Variants in USH2A observed in about 807,000 individuals in gnomAD.
The protein encoded by USH2A is Usher syndrome 2A (autosomal recessive, mild).
Under a neutral mutation model 538.9 loss-of-function variants are expected in USH2A, and 443 were observed. That is an observed-to-expected ratio of 0.82 (90% CI 0.76 to 0.89). USH2A has a LOEUF of 0.89. Among genes scored for constraint, USH2A ranks in the 40% least tolerant of loss-of-function variants. USH2A has a pLI of 0.00. For missense variants in USH2A, 6,633 were observed against 6,324.8 expected (o/e 1.05, Z -1.65); for synonymous variants, 2,413 against 2,273.5 (o/e 1.06, Z -1.75).
intron 64 of USH2A, among the ~76,000 whole-genome samples, chr1:215,660,725 A>T (rs1311668342): frequency 1.3e-5 from 2 of 152,256 alleles, no homozygotes; most frequent in Non-Finnish European, 2.9e-5. Flanking sequence ...TGGATTCTTT[A>T]GAGAAAAGAA....
At chr1:215,632,182 C>A (rs1285142632) in intron 70 of USH2A, among the ~76,000 whole-genome samples, 1 of 152,072 alleles carries the variant, frequency 6.6e-6, no homozygotes, top group African/African-American at 2.4e-5. Context: ...CCTGCCTCAA[C>A]CTCCCAAAGT....
At chr1:216,049,182 T>C (rs892435347) in intron 30 of USH2A, among the ~76,000 whole-genome samples, 2 of 152,236 alleles carry the variant, frequency 1.3e-5, no homozygotes, top group Non-Finnish European at 2.9e-5. Flanking sequence ...ATGTTGTAGC[T>C]AACAAGTATG....
At position 215,760,865 on chromosome 1, in the gene USH2A, G is replaced by A. The variant is rs186221774; in HGVS notation, c.11048-1022C>T. ...TAGCTTCTAAACTTGCCTCCATGTC[G>A]AAATCTTGGCCTTCCATATTCCATT... On this transcript the variant is annotated intron_variant, in intron 56 of 71. Transcript: ENST00000307340. Among the ~76,000 whole-genome samples, 61 of 152,190 alleles carry A rather than the reference G, an allele frequency of 4.0e-4. 1 individual carries two copies. Among genetic ancestry groups the A allele is most frequent in the Admixed American group, 9.2e-4 (14 of 15,276 alleles).
In USH2A at chr1:215,675,373, T is replaced by C; in HGVS notation, c.12538A>G (p.Asn4180Asp). The C allele has an allele frequency of 6.2e-7, 1 of 1,614,164 alleles. No homozygotes were observed. Among genetic ancestry groups the C allele is most frequent in the South Asian group, 1.1e-5 (1 of 91,090 alleles). ...SVELSWSEPVNPNGKIIRYEV... is the reference protein window; with the variant it reads ...SVELSWSEPVDPNGKIIRYEV... Reference sequence around the variant, plus strand: ...TAGCGAATTATTTTTCCATTTGGGTTAACAGGCTCAGACCAGCTCAGCTCA... The same window carrying C: ...TAGCGAATTATTTTTCCATTTGGGTCAACAGGCTCAGACCAGCTCAGCTCA... Residue 4180 changes from asparagine (N) to aspartate (D), a missense_variant, in exon 63 of 72, where the codon AAC becomes GAC. Asn to Asp is a conservative substitution (Grantham distance 23, BLOSUM62 1). Transcript: ENST00000307340.
intron 58 of USH2A, among the ~76,000 whole-genome samples, chr1:215,747,891 GT>G (rs971161483): frequency 7.5e-5 from 7 of 93,384 alleles, no homozygotes; most frequent in African/African-American, 1.1e-4. Flanking sequence ...TGTTTGTTTG[GT>G]TTTTTTTTTT....
chr1:216,196,428 A>C, intron 19 of USH2A, 125 bp downstream of exon 19: 1 of 1,017,146 alleles, frequency 9.8e-7, no homozygotes, highest in Non-Finnish European at 1.5e-6. Context: ...TATTATATTA[A>C]GAAAAAATGC....
intron 11 of USH2A, among the ~76,000 whole-genome samples, chr1:216,280,745 T>C (rs1022689125): frequency 4.6e-5 from 7 of 152,138 alleles, no homozygotes; most frequent in Non-Finnish European, 8.8e-5. Context: ...ACATGCCATA[T>C]CTTATGAGAT....
intron 37 of USH2A, among the ~76,000 whole-genome samples, chr1:215,953,744 A>G (rs958235128): frequency 2.6e-5 from 4 of 152,030 alleles, no homozygotes; most frequent in African/African-American, 7.3e-5. Flanking sequence ...GCTTCTGCAC[A>G]GCAAAAGAAA....
intron 35 of USH2A, among the ~76,000 whole-genome samples, chr1:215,975,123 G>A (rs1667591105): frequency 6.6e-6 from 1 of 152,012 alleles, no homozygotes; most frequent in Admixed American, 6.6e-5. Flanking sequence ...CTGTTTGTCT[G>A]CCTTCTTTTG....
At chr1:216,090,399 T>C (rs2032268184) in intron 22 of USH2A, among the ~76,000 whole-genome samples, 1 of 147,926 alleles carries the variant, frequency 6.8e-6, no homozygotes, top group Non-Finnish European at 1.5e-5. Context: ...CTCGACAACA[T>C]GTATGACATA....
intron 19 of USH2A, 93 bp from the exon 20 acceptor site, chr1:216,190,460 G>A: frequency 2.6e-6 from 4 of 1,510,008 alleles, no homozygotes; most frequent in Non-Finnish European, 3.6e-6. Flanking sequence ...CATGAATTCA[G>A]ACAGAGGGAA....
intron 7 of USH2A, 92 bp from the exon 8 acceptor site, chr1:216,323,787 A>G (rs1477549420): frequency 8.6e-7 from 1 of 1,157,484 alleles, no homozygotes; most frequent in African/African-American, 1.5e-5. Flanking sequence ...ACACAGTATC[A>G]ATAAAAGCTT....
At position 215,895,885 on chromosome 1, in the gene USH2A, C is replaced by A. The variant is rs192277362; in HGVS notation, c.7594+4190G>T. Among the ~76,000 whole-genome samples, 5 of 152,234 alleles carry A rather than the reference C, an allele frequency of 3.3e-5. No individual in the cohort carries two copies. The East Asian group carries it at 9.7e-4, about 29-fold the overall frequency. On this transcript the variant is annotated intron_variant, in intron 40 of 71. Transcript: ENST00000307340. ...TACACAGCTAGTTTGTGTGGTATAG[C>A]CTGTTGCTCCTAGGCTACAAACCTG...
At chr1:216,174,186 C>A in intron 21 of USH2A, 1 of 984,970 alleles carries the variant, frequency 1.0e-6, no homozygotes, top group African/African-American at 1.7e-5. Flanking sequence ...ATTTTTATAG[C>A]TCGAATTCCA....
chr1:216,180,585 T>C (rs1322049220), intron 20 of USH2A, among the ~76,000 whole-genome samples: 3 of 152,136 alleles, frequency 2.0e-5, no homozygotes, highest in Non-Finnish European at 4.4e-5. Context: ...TCTGAGGTAC[T>C]GGTCTTTAAA....
intron 49 of USH2A, among the ~76,000 whole-genome samples, chr1:215,810,227 T>C (rs528064136): frequency 2.4e-4 from 36 of 152,312 alleles, no homozygotes; most frequent in Non-Finnish European, 4.4e-4. Context: ...AGACAATACA[T>C]ATTTTTTAAA....
Position 216,323,473 on chromosome 1 carries a change from C to A in USH2A, c.1550+1G>T. The A allele has an allele frequency of 1.2e-6, 2 of 1,613,048 alleles. No homozygotes were observed. Among genetic ancestry groups the A allele is most frequent in the Non-Finnish European group, 1.7e-6 (2 of 1,179,524 alleles). Reference sequence around the variant, plus strand: ...GTTGAAAACAAAATTCATAATAATACCTCCCACTAATGGTGATTTCGTCCA... The same window carrying A: ...GTTGAAAACAAAATTCATAATAATAACTCCCACTAATGGTGATTTCGTCCA... On this transcript the variant is annotated splice_donor_variant, in intron 8 of 71. Transcript: ENST00000307340. LOFTEE classifies it high-confidence loss of function.
intron 64 of USH2A, 86 bp downstream of exon 64, chr1:215,670,886 C>G: frequency 7.2e-7 from 1 of 1,388,524 alleles, no homozygotes; most frequent in South Asian, 1.2e-5. Context: ...CTTTAAGTGC[C>G]TTTTCAAATT....
intron 38 of USH2A, among the ~76,000 whole-genome samples, chr1:215,918,833 C>G (rs554517023): frequency 6.8e-4 from 103 of 152,116 alleles, no homozygotes; most frequent in Admixed American, 1.3e-3. Flanking sequence ...ATCAGGCTAT[C>G]AGTGATAGTT....
Sources: gnomAD v4.1 joint callset for allele counts (sites outside exome capture counted in the v4.1 genomes callset) on GRCh38, gnomAD v4.1.1 for gene constraint, MANE v1.5 for transcripts, NCBI Gene and HGNC (gene_info 2026-07-23, HGNC 2026-07-21) for gene names.